Variants in CECR2 observed in about 807,000 individuals in gnomAD.
The protein encoded by CECR2 is CECR2 histone acetyl-lysine reader.
A neutral mutation model predicts 154.5 loss-of-function variants in CECR2; 30 were observed. The ratio of observed to expected loss-of-function variants is 0.19; its 90% CI spans 0.15 to 0.26. The LOEUF is 0.26. CECR2 is among the 10% of genes least tolerant of loss of function. CECR2 has a pLI of 1.00. For synonymous variants in CECR2, 725 were observed against 683.7 expected, an observed-to-expected ratio of 1.06 and a Z score of -0.94; for missense variants, 1,743 against 1,829.3, an observed-to-expected ratio of 0.95 and a Z score of 0.86.
intron 1 of CECR2, among the ~76,000 whole-genome samples, chr22:17,416,808 A>G (rs1466756199): frequency 2.0e-5 from 3 of 152,154 alleles, no homozygotes; most frequent in African/African-American, 7.2e-5. Context: ...GGCATTGATC[A>G]TACTATTATA....
rs1372741412 is a variant in CECR2 at position 17,554,678 on chromosome 22, G to T, written c.*1838G>T. 1.3e-5 allele frequency: 2 copies of T among 152,160 alleles called. No individual in the cohort carries two copies. The highest frequency in any genetic ancestry group is 2.9e-5 in the Non-Finnish European group (2 of 68,040). 9.4% of individuals were successfully genotyped at this position (152,160 alleles called of 1,614,324 possible). ...AAAAATACAGATTTTCTCTCAGAGA[G>T]GTTTTAATTTTAAATTTGATGTATT... On this transcript the variant is annotated 3_prime_UTR_variant, in exon 19 of 19. Coordinates refer to ENST00000262608, the MANE Select transcript of CECR2 (RefSeq NM_001290047.2).
chr22:17,504,864 C>G lies in CECR2; in HGVS notation c.718C>G (p.Gln240Glu), dbSNP rs753295694. 3 of 1,613,680 alleles carry G rather than the reference C, an allele frequency of 1.9e-6. No homozygotes were observed. The African/African-American group carries it at 4.0e-5, about 22-fold the overall frequency. Residue 240 changes from glutamine (Q) to glutamate (E), a missense_variant, in exon 7 of 19, where the codon CAA becomes GAA. By Grantham distance (29) the Gln-to-Glu change is conservative (BLOSUM62 2). Transcript: ENST00000262608. ...QTRHGSQGPG[Q>E]GTWWLLCQTE... Reference sequence around the variant, plus strand: ...TTTTCTAGGGTCCCAAGGGCCAGGCCAAGGTACTTGGTGGCTCCTGTGCCA... The same window carrying G: ...TTTTCTAGGGTCCCAAGGGCCAGGCGAAGGTACTTGGTGGCTCCTGTGCCA...
At chr22:17,434,643 C>T (rs1183654541) in intron 1 of CECR2, among the ~76,000 whole-genome samples, 1 of 148,966 alleles carries the variant, frequency 6.7e-6, no homozygotes, top group Non-Finnish European at 1.5e-5. Context: ...TTTATGCCCG[C>T]ACCCCCCCTG....
intron 1 of CECR2, among the ~76,000 whole-genome samples, chr22:17,454,388 G>A (rs887396043): frequency 1.3e-5 from 2 of 151,712 alleles, no homozygotes; most frequent in Non-Finnish European, 2.9e-5. Flanking sequence ...GTGGATCCAC[G>A]AGGTCAGGAG....
intron 12 of CECR2, 86 bp downstream of exon 12, chr22:17,538,817 T>A: frequency 7.6e-7 from 1 of 1,316,688 alleles, no homozygotes; most frequent in Non-Finnish European, 1.1e-6. Context: ...AATATATATA[T>A]ATTTTGATAC....
At chr22:17,545,725 C>T (rs998352866) in intron 16 of CECR2, among the ~76,000 whole-genome samples, 19 of 151,304 alleles carry the variant, frequency 1.3e-4, no homozygotes, top group Non-Finnish European at 2.2e-4. Flanking sequence ...TGCCTGTAAT[C>T]CCAGCTCCTC....
At chr22:17,474,105 G>A (rs551233978) in intron 1 of CECR2, among the ~76,000 whole-genome samples, 19 of 152,080 alleles carry the variant, frequency 1.2e-4, no homozygotes, top group South Asian at 4.2e-4. Context: ...ACTCTCCAGG[G>A]GTTCGTCACC....
chr22:17,482,978 G>A (rs1352023495), intron 2 of CECR2, among the ~76,000 whole-genome samples: 1 of 152,140 alleles, frequency 6.6e-6, no homozygotes, highest in African/African-American at 2.4e-5. Flanking sequence ...ACCGCGCCCA[G>A]CCTAGTTATT....
At chr22:17,386,312 G>T (rs917086832) in intron 1 of CECR2, among the ~76,000 whole-genome samples, 18 of 152,110 alleles carry the variant, frequency 1.2e-4, no homozygotes, top group African/African-American at 3.9e-4. Context: ...GAGAGGATAA[G>T]ACCTGTCAAA....
intron 1 of CECR2, among the ~76,000 whole-genome samples, chr22:17,363,049 T>C (rs996455018): frequency 2.7e-4 from 8 of 29,628 alleles, no homozygotes; most frequent in African/African-American, 9.1e-4. Flanking sequence ...TTCCTTCTTC[T>C]TTTTTTTTTT....
At chr22:17,495,523 C>T (rs1256271542) in intron 2 of CECR2, among the ~76,000 whole-genome samples, 1 of 147,416 alleles carries the variant, frequency 6.8e-6, no homozygotes, top group African/African-American at 2.5e-5. Context: ...GAGCCAAGAT[C>T]ACGCCATTGT....
intron 1 of CECR2, among the ~76,000 whole-genome samples, chr22:17,431,072 A>G (rs916578985): frequency 2.0e-5 from 3 of 152,202 alleles, no homozygotes; most frequent in African/African-American, 7.2e-5. Flanking sequence ...AGTATTGATC[A>G]TAACCCTGTT....
At chr22:17,377,974 G>GCGTTT (rs1477712765) in intron 1 of CECR2, among the ~76,000 whole-genome samples, 1 of 152,072 alleles carries the variant, frequency 6.6e-6, no homozygotes, top group Non-Finnish European at 1.5e-5. Flanking sequence ...AATGTTATAT[G>GCGTTT]CGTTTTGTTT....
At chr22:17,434,107 C>T (rs2054467323) in intron 1 of CECR2, among the ~76,000 whole-genome samples, 1 of 136,110 alleles carries the variant, frequency 7.3e-6, no homozygotes, top group Non-Finnish European at 1.5e-5. Flanking sequence ...ATTTCACTTA[C>T]TTACTCTGTG....
chr22:17,392,326 A>T (rs2063334367), intron 1 of CECR2, among the ~76,000 whole-genome samples: 1 of 151,978 alleles, frequency 6.6e-6, no homozygotes, highest in African/African-American at 2.4e-5. Flanking sequence ...CCCTGTCTCT[A>T]CTAAAAATAC....
chr22:17,385,088 G>A (rs938204267), intron 1 of CECR2, among the ~76,000 whole-genome samples: 1 of 152,178 alleles, frequency 6.6e-6, no homozygotes, highest in Admixed American at 6.5e-5. Flanking sequence ...TAAGGGCCTT[G>A]CTCTGGATTA....
intron 2 of CECR2, among the ~76,000 whole-genome samples, chr22:17,487,757 G>C (rs1418693123): frequency 6.6e-6 from 1 of 152,128 alleles, no homozygotes; most frequent in Non-Finnish European, 1.5e-5. Context: ...CTTTAGTAGA[G>C]TGCTCTTTAT....
intron 1 of CECR2, among the ~76,000 whole-genome samples, chr22:17,363,833 C>T (rs1015125891): frequency 6.6e-6 from 1 of 152,104 alleles, no homozygotes; most frequent in African/African-American, 2.4e-5. Context: ...TGAAGTTTTG[C>T]CATGTTGCTC....
chr22:17,460,044 T>C (rs1300924687), intron 1 of CECR2, among the ~76,000 whole-genome samples: 1 of 152,186 alleles, frequency 6.6e-6, no homozygotes, highest in Non-Finnish European at 1.5e-5. Context: ...TTCTGAGTAG[T>C]TGGGACTACA....
Sources: allele counts gnomAD v4.1 joint callset (sites outside exome capture counted in the v4.1 genomes callset), GRCh38; gene constraint gnomAD v4.1.1; transcripts MANE v1.5; gene names NCBI Gene and HGNC (gene_info 2026-07-23, HGNC 2026-07-21).